Variants in TRAPPC9 observed in about 807,000 individuals in gnomAD.
The protein encoded by TRAPPC9 is trafficking protein particle complex subunit 9, also known as IKK2 binding protein.
Under a neutral mutation model 124.0 loss-of-function variants are expected in TRAPPC9, and 83 were observed. That is an observed-to-expected ratio of 0.67 (90% CI 0.56 to 0.80). The LOEUF is 0.80. Among genes scored for constraint, TRAPPC9 ranks in the 30% least tolerant of loss-of-function variants. TRAPPC9 has a pLI of 0.00. For missense variants in TRAPPC9, 1,302 were observed against 1,508.3 expected (o/e 0.86, Z 2.27); for synonymous variants, 638 against 617.5 (o/e 1.03, Z -0.49).
intron 7 of TRAPPC9, among the ~76,000 whole-genome samples, chr8:140,389,852 A>C (rs1315342047): frequency 6.6e-6 from 1 of 151,944 alleles, no homozygotes; most frequent in Admixed American, 6.6e-5. Flanking sequence ...CAAAAAAAAA[A>C]AAAAAAGATA....
intron 7 of TRAPPC9, among the ~76,000 whole-genome samples, chr8:140,373,714 T>A (rs1427688245): frequency 6.6e-6 from 1 of 152,254 alleles, no homozygotes; most frequent in African/African-American, 2.4e-5. Flanking sequence ...CATATGAGGA[T>A]ATCAGTCTTT....
At chr8:140,008,864 C>G (rs1272707611) in intron 18 of TRAPPC9, among the ~76,000 whole-genome samples, 1 of 152,140 alleles carries the variant, frequency 6.6e-6, no homozygotes, top group Non-Finnish European at 1.5e-5. Context: ...AGCCACAGAC[C>G]TGAAGAGTTT....
intron 18 of TRAPPC9, among the ~76,000 whole-genome samples, chr8:140,015,869 G>A (rs1839432226): frequency 6.6e-6 from 1 of 152,174 alleles, no homozygotes; most frequent in Admixed American, 6.5e-5. Flanking sequence ...AATGAATAGA[G>A]CCTTGGTATT....
intron 17 of TRAPPC9, among the ~76,000 whole-genome samples, chr8:140,121,215 G>A (rs2060980555): frequency 6.6e-6 from 1 of 152,202 alleles, no homozygotes; most frequent in Non-Finnish European, 1.5e-5. Context: ...GTGAGGAAGG[G>A]GATGAAAGGA....
intron 1 of TRAPPC9, among the ~76,000 whole-genome samples, chr8:140,457,222 G>C (rs1196264409): frequency 6.6e-6 from 1 of 152,194 alleles, no homozygotes; most frequent in African/African-American, 2.4e-5. Context: ...GCTTAGCCAG[G>C]CCCAGGGGCG....
chr8:139,764,037 G>A (rs1031079822), intron 21 of TRAPPC9, among the ~76,000 whole-genome samples: 19 of 152,226 alleles, frequency 1.2e-4, no homozygotes, highest in Non-Finnish European at 2.6e-4. Flanking sequence ...TGACCCCAGG[G>A]AGAACGGTGT....
At chr8:139,842,359 T>C (rs2130892299) in intron 21 of TRAPPC9, among the ~76,000 whole-genome samples, 1 of 152,314 alleles carries the variant, frequency 6.6e-6, no homozygotes, top group Non-Finnish European at 1.5e-5. Flanking sequence ...CAGCTCTTTG[T>C]CCTGAGGAGA....
At chr8:139,903,441 T>C (rs1394048744) in intron 20 of TRAPPC9, among the ~76,000 whole-genome samples, 2 of 152,166 alleles carry the variant, frequency 1.3e-5, no homozygotes, top group Non-Finnish European at 2.9e-5. Flanking sequence ...CTCACACAGC[T>C]GGATTCTGAT....
At chr8:139,853,258 A>G (rs940950189) in intron 21 of TRAPPC9, among the ~76,000 whole-genome samples, 3 of 152,160 alleles carry the variant, frequency 2.0e-5, no homozygotes, top group African/African-American at 7.2e-5. Context: ...CCTTCGGGAG[A>G]CACGACAACC....
At chr8:140,425,721 T>G (rs2070400484) in intron 5 of TRAPPC9, among the ~76,000 whole-genome samples, 1 of 152,194 alleles carries the variant, frequency 6.6e-6, no homozygotes, top group African/African-American at 2.4e-5. Flanking sequence ...TCATTTGTCA[T>G]CAGTGTTGGC....
intron 7 of TRAPPC9, among the ~76,000 whole-genome samples, chr8:140,381,199 C>A (rs2068596819): frequency 4.4e-5 from 4 of 90,246 alleles, no homozygotes; most frequent in South Asian, 3.6e-4. Flanking sequence ...AGCCAAACTC[C>A]ATCTCAAAAA....
intron 21 of TRAPPC9, among the ~76,000 whole-genome samples, chr8:139,782,136 T>G (rs186074653): frequency 6.6e-6 from 1 of 152,288 alleles, no homozygotes; most frequent in East Asian, 1.9e-4. Flanking sequence ...TCCCAGTACT[T>G]TGGGAGGCCG....
At chr8:140,030,284 AAT>A (rs1469594096) in intron 17 of TRAPPC9, among the ~76,000 whole-genome samples, 3 of 152,222 alleles carry the variant, frequency 2.0e-5, no homozygotes, top group Non-Finnish European at 4.4e-5. Context: ...TAGCAAGTTC[AAT>A]AAGTCCAGAA....
intron 17 of TRAPPC9, among the ~76,000 whole-genome samples, chr8:140,133,780 A>C (rs2061245666): frequency 6.6e-6 from 1 of 152,242 alleles, no homozygotes; most frequent in Non-Finnish European, 1.5e-5. Context: ...CTGAAAAGAA[A>C]ATTTAGAAAG....
At chr8:139,868,954 A>G (rs1305816581) in intron 21 of TRAPPC9, among the ~76,000 whole-genome samples, 2 of 152,242 alleles carry the variant, frequency 1.3e-5, no homozygotes, top group Non-Finnish European at 2.9e-5. Flanking sequence ...TAGGTCAGAC[A>G]GAAGATGTAG....
chr8:140,074,774 T>C (rs1034940281), intron 17 of TRAPPC9, among the ~76,000 whole-genome samples: 1 of 151,992 alleles, frequency 6.6e-6, no homozygotes, highest in Admixed American at 6.5e-5. Flanking sequence ...GGCCGCTCAG[T>C]GGAGAGCTCT....
intron 17 of TRAPPC9, among the ~76,000 whole-genome samples, chr8:140,026,929 T>C (rs1445559521): frequency 2.6e-5 from 4 of 152,164 alleles, no homozygotes; most frequent in African/African-American, 9.7e-5. Context: ...CCAAATCCTT[T>C]TTTCATTCCC....
At chr8:139,903,588 C>G (rs1288585490) in intron 20 of TRAPPC9, among the ~76,000 whole-genome samples, 1 of 152,206 alleles carries the variant, frequency 6.6e-6, no homozygotes, top group Non-Finnish European at 1.5e-5. Context: ...AGCAGACGGT[C>G]TGTGCAGGGC....
intron 21 of TRAPPC9, among the ~76,000 whole-genome samples, chr8:139,849,546 A>C (rs1827314052): frequency 6.6e-6 from 1 of 152,238 alleles, no homozygotes; most frequent in South Asian, 2.1e-4. Flanking sequence ...TTATAATGTA[A>C]ATGTATTACA....
Sources: allele counts gnomAD v4.1 joint callset (sites outside exome capture counted in the v4.1 genomes callset), GRCh38; gene constraint gnomAD v4.1.1; transcripts MANE v1.5; gene names NCBI Gene and HGNC (gene_info 2026-07-23, HGNC 2026-07-21).